Variants in AGXT2 observed in about 807,000 individuals in gnomAD.
The protein encoded by AGXT2 is alanine--glyoxylate aminotransferase 2, mitochondrial.
Under a neutral mutation model 62.5 loss-of-function variants are expected in AGXT2, and 61 were observed. That is an observed-to-expected ratio of 0.98 (90% confidence interval 0.79 to 1.21). The LOEUF (loss-of-function observed/expected upper bound fraction) is 1.21, where lower values mean the gene tolerates loss of function less well. Ranked by LOEUF, AGXT2 falls within the 50% of genes most tolerant of loss-of-function variation. The pLI, the probability that AGXT2 is intolerant of heterozygous loss-of-function variation, is 0.00. For missense variants in AGXT2, 666 were observed against 641.5 expected, an observed-to-expected ratio of 1.04 and a Z score of -0.41; for synonymous variants, 243 against 218.7, an observed-to-expected ratio of 1.11 and a Z score of -0.98.
chr5:35,024,453 T>G (rs1465372547), intron 9 of AGXT2, among the ~76,000 whole-genome samples: 8 of 152,208 alleles, frequency 5.3e-5, no homozygotes, highest in African/African-American at 1.9e-4. Context: ...GGTGTGATTA[T>G]AAGTAAATTA....
At chr5:35,041,897 A>C (rs1768005513) in intron 1 of AGXT2, among the ~76,000 whole-genome samples, 1 of 152,210 alleles carries the variant, frequency 6.6e-6, no homozygotes, top group South Asian at 2.1e-4. Context: ...ATTTGCTTTT[A>C]CTTGAAAAGC....
At chr5:35,027,470 G>A (rs1767401871) in intron 7 of AGXT2, among the ~76,000 whole-genome samples, 2 of 151,976 alleles carry the variant, frequency 1.3e-5, no homozygotes, top group South Asian at 2.1e-4. Flanking sequence ...AGGCATATTT[G>A]CTTTTAAAAC....
At chr5:35,014,241 C>A (rs1020719155) in intron 9 of AGXT2, 122 bp from the exon 10 acceptor site, 2 of 1,357,430 alleles carry the variant, frequency 1.5e-6, no homozygotes, top group African/African-American at 1.4e-5. Context: ...ATCATGAGGT[C>A]AGGAGTTCAA....
At chr5:35,003,237 G>A (rs1323888856) in intron 13 of AGXT2, among the ~76,000 whole-genome samples, 3 of 152,142 alleles carry the variant, frequency 2.0e-5, no homozygotes, top group Admixed American at 1.3e-4. Flanking sequence ...GGCAATGGGG[G>A]CTATGCCCAG....
At chr5:35,007,121 A>G (rs929969484) in intron 12 of AGXT2, among the ~76,000 whole-genome samples, 2 of 152,140 alleles carry the variant, frequency 1.3e-5, no homozygotes, top group African/African-American at 4.8e-5. Flanking sequence ...ACCCTCATGA[A>G]TGAGATCAGT....
In AGXT2 at chr5:34,998,475, CAT is replaced by C. The variant is rs1192999565; in HGVS notation, c.*242_*243del. 1 of 565,164 alleles carries C rather than the reference CAT, an allele frequency of 1.8e-6. No homozygotes were observed. The highest frequency in any genetic ancestry group is 1.9e-5 in the African/African-American group (1 of 53,334). 35.0% of individuals were successfully genotyped at this position (565,164 alleles called of 1,614,324 possible). A position where few individuals can be genotyped will look rare whatever the true frequency, so the allele number is the denominator to read the frequency against. On this transcript the variant is annotated 3_prime_UTR_variant, in exon 14 of 14. Transcript: ENST00000231420. ...AGGGGAATCAAATTACCATACCTAA[CAT>C]AAACTAATTAGGATTTATTCTCTGA...
At chr5:35,000,179 G>T (rs1394425072) in intron 13 of AGXT2, among the ~76,000 whole-genome samples, 4 of 152,000 alleles carry the variant, frequency 2.6e-5, no homozygotes, top group Non-Finnish European at 5.9e-5. Flanking sequence ...TGCAAGTGTG[G>T]AATCCACTGG....
At chr5:35,008,487 T>G (rs559895609) in intron 12 of AGXT2, among the ~76,000 whole-genome samples, 1 of 152,348 alleles carries the variant, frequency 6.6e-6, no homozygotes, top group African/African-American at 2.4e-5. Context: ...GAGATTAGGA[T>G]GAACTCTTCT....
chr5:35,020,915 C>T (rs557419647), intron 9 of AGXT2, among the ~76,000 whole-genome samples: 4 of 152,094 alleles, frequency 2.6e-5, no homozygotes, highest in African/African-American at 9.7e-5. Context: ...CACAAGCATT[C>T]TTATACACCA....
At chr5:35,030,625 A>G (rs1057116245) in intron 7 of AGXT2, among the ~76,000 whole-genome samples, 2 of 152,224 alleles carry the variant, frequency 1.3e-5, no homozygotes, top group South Asian at 4.1e-4. Context: ...ATGCCACTAG[A>G]GAGATGACCA....
chr5:35,019,271 A>AT (rs1333909724), intron 9 of AGXT2, among the ~76,000 whole-genome samples: 4 of 146,724 alleles, frequency 2.7e-5, no homozygotes, highest in Middle Eastern at 3.4e-3. Context: ...CAGAATATAC[A>AT]TTTTTTTCAG....
chr5:35,020,256 C>A (rs1399100651), intron 9 of AGXT2, among the ~76,000 whole-genome samples: 1 of 152,104 alleles, frequency 6.6e-6, no homozygotes, highest in Admixed American at 6.6e-5. Context: ...CAAAGCCGGG[C>A]AGAGACACAA....
chr5:35,024,148 A>T (rs539853016), intron 9 of AGXT2, among the ~76,000 whole-genome samples: 14 of 152,096 alleles, frequency 9.2e-5, no homozygotes, highest in Non-Finnish European at 1.5e-4. Context: ...CTGCCTCAGC[A>T]TCCCAAAGTG....
intron 7 of AGXT2, among the ~76,000 whole-genome samples, chr5:35,031,398 G>A (rs926096901): frequency 2.0e-5 from 3 of 152,078 alleles, no homozygotes; most frequent in Non-Finnish European, 4.4e-5. Flanking sequence ...ATTTTAAGAC[G>A]ATGGTGAATT....
intron 9 of AGXT2, among the ~76,000 whole-genome samples, chr5:35,019,008 C>A (rs1160224738): frequency 3.6e-5 from 4 of 109,974 alleles, no homozygotes; most frequent in East Asian, 2.1e-4. Flanking sequence ...GGGATCAATT[C>A]AACAACAAGA....
intron 9 of AGXT2, among the ~76,000 whole-genome samples, chr5:35,023,165 T>TAAAAA (rs35852974): frequency 3.7e-5 from 1 of 26,962 alleles, no homozygotes. Flanking sequence ...ATGGCAGATG[T>TAAAAA]AAAAAAAAAA....
At chr5:35,019,774 G>A (rs1443966444) in intron 9 of AGXT2, among the ~76,000 whole-genome samples, 1 of 152,060 alleles carries the variant, frequency 6.6e-6, no homozygotes, top group African/African-American at 2.4e-5. Context: ...AAAAATTAAT[G>A]AATCCAGGAG....
At chr5:35,018,348 A>T (rs1766931337) in intron 9 of AGXT2, among the ~76,000 whole-genome samples, 2 of 152,354 alleles carry the variant, frequency 1.3e-5, no homozygotes, top group South Asian at 4.1e-4. Flanking sequence ...CCTCAAAGGG[A>T]AGCCCATCAG....
At chr5:35,023,868 TTTA>T (rs1767219696) in intron 9 of AGXT2, among the ~76,000 whole-genome samples, 1 of 14,226 alleles carries the variant, frequency 7.0e-5, no homozygotes, top group African/African-American at 1.3e-4. Context: ...GGAATATTTA[TTTA>T]TTTATTTATT....
Sources: allele counts gnomAD v4.1 joint callset (sites outside exome capture counted in the v4.1 genomes callset), GRCh38; gene constraint gnomAD v4.1.1; transcripts MANE v1.5; gene names NCBI Gene and HGNC (gene_info 2026-07-23, HGNC 2026-07-21).